The following TMEM150C variants were observed in gnomAD, a reference collection of about 807,000 sequenced individuals.
The protein encoded by TMEM150C is tentonin 3.
Under a neutral mutation model 29.9 loss-of-function variants are expected in TMEM150C, and 10 were observed. The observed-to-expected ratio is 0.33, with a 90% CI of 0.21 to 0.57. TMEM150C has a LOEUF of 0.57. Among genes scored for constraint, TMEM150C ranks in the 20% least tolerant of loss-of-function variants. The pLI, the probability that TMEM150C is intolerant of heterozygous loss-of-function variation, is 0.88. For synonymous variants in TMEM150C, 101 were observed against 112.5 expected, an observed-to-expected ratio of 0.90 and a Z score of 0.64; for missense variants, 251 against 303.6, an observed-to-expected ratio of 0.83 and a Z score of 1.29.
chr4:82,519,540 C>G (rs1227602472), intron 1 of TMEM150C, among the ~76,000 whole-genome samples: 1 of 152,102 alleles, frequency 6.6e-6, no homozygotes, highest in African/African-American at 2.4e-5. Context: ...ATTCTCCTGC[C>G]TCAGCCTCCC....
chr4:82,532,777 G>A (rs1578145672), intron 1 of TMEM150C, among the ~76,000 whole-genome samples: 1 of 150,342 alleles, frequency 6.7e-6, no homozygotes, highest in African/African-American at 2.4e-5. Context: ...AGCCCAGGCT[G>A]GAGTGCAGTG....
intron 1 of TMEM150C, among the ~76,000 whole-genome samples, chr4:82,505,326 C>T (rs1723884795): frequency 6.6e-6 from 1 of 152,136 alleles, no homozygotes; most frequent in Non-Finnish European, 1.5e-5. Flanking sequence ...AGATTACAGG[C>T]ATGAGCCACA....
chr4:82,533,216 G>A (rs77363123), intron 1 of TMEM150C, among the ~76,000 whole-genome samples: 2,580 of 152,136 alleles, frequency 0.017, 47 homozygotes, highest in South Asian at 0.063. Flanking sequence ...ACTAATTAAC[G>A]TGTACCATAA....
chr4:82,510,591 G>C (rs992610257), intron 1 of TMEM150C, among the ~76,000 whole-genome samples: 2 of 152,170 alleles, frequency 1.3e-5, no homozygotes, highest in Non-Finnish European at 2.9e-5. Flanking sequence ...TTTTACTGAG[G>C]ATTGAAAATA....
chr4:82,492,436 T>C (rs903078615), intron 6 of TMEM150C, among the ~76,000 whole-genome samples: 13 of 149,272 alleles, frequency 8.7e-5, no homozygotes, highest in Non-Finnish European at 1.8e-4. Flanking sequence ...CCCTAATTCA[T>C]TGTTAATGAG....
chr4:82,524,431 G>A (rs1003638568), intron 1 of TMEM150C, among the ~76,000 whole-genome samples: 2 of 152,046 alleles, frequency 1.3e-5, no homozygotes, highest in Non-Finnish European at 2.9e-5. Flanking sequence ...GGACCCCCAC[G>A]TTTCATTATT....
At chr4:82,518,982 G>A (rs1035167958) in intron 1 of TMEM150C, among the ~76,000 whole-genome samples, 6 of 152,036 alleles carry the variant, frequency 3.9e-5, no homozygotes, top group Admixed American at 3.3e-4. Flanking sequence ...TCCTCGCCTG[G>A]GGTGAATTAA....
chr4:82,489,324 C>T (rs1267292318), intron 7 of TMEM150C, among the ~76,000 whole-genome samples: 2 of 152,010 alleles, frequency 1.3e-5, no homozygotes, highest in South Asian at 2.1e-4. Context: ...TGGGGCTAAG[C>T]GGAGTGAGGT....
intron 6 of TMEM150C, among the ~76,000 whole-genome samples, chr4:82,494,089 G>A (rs573979757): frequency 4.6e-5 from 7 of 152,298 alleles, no homozygotes; most frequent in African/African-American, 1.7e-4. Flanking sequence ...CTAAATGAAC[G>A]ATAGAATGCT....
intron 2 of TMEM150C, among the ~76,000 whole-genome samples, chr4:82,503,650 A>G (rs1723806519): frequency 6.6e-6 from 1 of 152,146 alleles, no homozygotes; most frequent in South Asian, 2.1e-4. Context: ...GGAGATCGAG[A>G]CCATCCTGGC....
intron 1 of TMEM150C, among the ~76,000 whole-genome samples, chr4:82,531,311 A>T (rs187818817): frequency 3.5e-4 from 53 of 152,334 alleles, no homozygotes; most frequent in South Asian, 2.9e-3. Flanking sequence ...GAGGTTAAAG[A>T]CAGGTTTGGA....
At chr4:82,490,349 A>T in intron 6 of TMEM150C, 111 bp from the exon 7 acceptor site, 15 of 919,384 alleles carry the variant, frequency 1.6e-5, no homozygotes, top group Non-Finnish European at 2.4e-5. Context: ...TATCCCAATA[A>T]TGGGATGATA....
chr4:82,550,768 C>T lies in TMEM150C; in HGVS notation c.-11+11138G>A, dbSNP rs1289312649. Among the ~76,000 whole-genome samples the T allele has an allele frequency of 7.4e-5, 11 of 149,286 alleles. No individual in the cohort carries two copies. In the East Asian group the frequency reaches 1.6e-3, roughly 21 times the overall value. ...TCGCACCACTGCACTCCAGCCTGGG[C>T]GACAGAGCGAGACTCCGTCTCAAAA... On this transcript the variant is annotated intron_variant, in intron 1 of 7. Transcript: ENST00000449862.
At chr4:82,550,957 G>A (rs907101156) in intron 1 of TMEM150C, among the ~76,000 whole-genome samples, 3 of 152,140 alleles carry the variant, frequency 2.0e-5, no homozygotes, top group Admixed American at 6.5e-5. Context: ...GAGTGAGTAG[G>A]TATGGTTTAG....
intron 1 of TMEM150C, among the ~76,000 whole-genome samples, chr4:82,546,781 C>T (rs1195472220): frequency 2.0e-5 from 3 of 151,894 alleles, no homozygotes; most frequent in African/African-American, 7.3e-5. Flanking sequence ...GAGCCAAGAT[C>T]GCGCCACTGC....
chr4:82,537,824 C>A (rs184931667), intron 1 of TMEM150C, among the ~76,000 whole-genome samples: 61 of 152,318 alleles, frequency 4.0e-4, no homozygotes, highest in African/African-American at 1.1e-3. Context: ...CCACCAGAAG[C>A]TGGAAGAGGT....
upstream of TMEM150C, chr4:82,562,097 C>T: frequency 8.2e-7 from 1 of 1,221,968 alleles, no homozygotes; most frequent in Non-Finnish European, 1.0e-6. Context: ...GCTGCTAGGC[C>T]TTCGGGGAGA....
At chr4:82,527,686 C>T (rs1389458315) in intron 1 of TMEM150C, among the ~76,000 whole-genome samples, 1 of 152,206 alleles carries the variant, frequency 6.6e-6, no homozygotes, top group Non-Finnish European at 1.5e-5. Flanking sequence ...GCCCAGTGGA[C>T]TTCTAACTCC....
intron 1 of TMEM150C, among the ~76,000 whole-genome samples, chr4:82,550,390 T>C (rs1454278153): frequency 2.0e-5 from 3 of 152,154 alleles, no homozygotes; most frequent in Non-Finnish European, 4.4e-5. Context: ...GGCCGTTCTT[T>C]ATAGCACTGT....
Sources: gnomAD v4.1 joint callset for allele counts (sites outside exome capture counted in the v4.1 genomes callset) on GRCh38, gnomAD v4.1.1 for gene constraint, MANE v1.5 for transcripts, NCBI Gene and HGNC (gene_info 2026-07-23, HGNC 2026-07-21) for gene names.